MTUS2: variants seen among roughly 807,000 people sequenced by gnomAD.
The protein encoded by MTUS2 is microtubule associated scaffold protein 2.
MTUS2 carries 40 observed loss-of-function variants against 114.1 expected under a neutral mutation model. That is an observed-to-expected ratio of 0.35 (90% CI 0.27 to 0.46). The LOEUF (loss-of-function observed/expected upper bound fraction) is 0.46, where lower values mean the gene tolerates loss of function less well. MTUS2 is among the 20% of genes least tolerant of loss of function. The pLI is 1.00. For missense variants in MTUS2, 1,679 were observed against 1,705.4 expected (o/e 0.98, Z 0.27); for synonymous variants, 688 against 672.0 (o/e 1.02, Z -0.37).
At chr13:29,348,260 G>A (rs190837328) in intron 7 of MTUS2, among the ~76,000 whole-genome samples, 8 of 151,990 alleles carry the variant, frequency 5.3e-5, no homozygotes, top group African/African-American at 1.9e-4. Context: ...CTGTTACCCA[G>A]GAAATTCCAA....
At position 28,988,561 on chromosome 13, in the gene MTUS2, A is replaced by G. The variant is rs573924778; in HGVS notation, c.-242-35896A>G. 1.1e-4 allele frequency among the ~76,000 whole-genome samples: 17 copies of G among 152,350 alleles called. 1 individual carries two copies. Among genetic ancestry groups the G allele is most frequent in the African/African-American group, 4.1e-4 (17 of 41,588 alleles). ...TAGAGAAATGGATTTGTGAGCAAACAAATCAGGAAAAACAATGAAATCTAA... is the reference window on the plus strand; with the variant it reads ...TAGAGAAATGGATTTGTGAGCAAACGAATCAGGAAAAACAATGAAATCTAA... On this transcript the variant is annotated intron_variant, in intron 2 of 15. Coordinates refer to ENST00000612955, the MANE Select transcript of MTUS2 (RefSeq NM_001033602.4).
intron 5 of MTUS2, among the ~76,000 whole-genome samples, chr13:29,243,646 G>A (rs1896808018): frequency 6.6e-6 from 1 of 152,138 alleles, no homozygotes; most frequent in African/African-American, 2.4e-5. Context: ...TACACACTTG[G>A]GGTAGGGAGC....
intron 5 of MTUS2, among the ~76,000 whole-genome samples, chr13:29,212,646 T>G (rs531793589): frequency 2.6e-5 from 4 of 152,242 alleles, no homozygotes; most frequent in Non-Finnish European, 5.9e-5. Flanking sequence ...AACATCTTAC[T>G]TACATTTACC....
At chr13:28,928,987 A>T (rs1881472982) in intron 2 of MTUS2, among the ~76,000 whole-genome samples, 1 of 152,262 alleles carries the variant, frequency 6.6e-6, no homozygotes, top group Admixed American at 6.5e-5. Flanking sequence ...TTATTGAGTT[A>T]CAGAAACAAA....
intron 2 of MTUS2, among the ~76,000 whole-genome samples, chr13:29,023,920 G>A (rs1166202560): frequency 1.3e-5 from 2 of 152,180 alleles, no homozygotes; most frequent in African/African-American, 2.4e-5. Flanking sequence ...CGTGGTTAAT[G>A]TGGTGTCTAC....
At position 29,145,637 on chromosome 13, in the gene MTUS2, A is replaced by G. The variant is rs1036509530; in HGVS notation, c.2644+44667A>G. On this transcript the variant is annotated intron_variant, in intron 5 of 15. Transcript: ENST00000612955. Reference sequence around the variant, plus strand: ...GTTGAAGACATGTGTGAGGTAGTCCAATTGAAAAATTGGACTTAGAGTGTT... The same window carrying G: ...GTTGAAGACATGTGTGAGGTAGTCCGATTGAAAAATTGGACTTAGAGTGTT... Among the ~76,000 whole-genome samples the G allele has an allele frequency of 2.6e-5, 4 of 152,180 alleles. No homozygotes were observed. The South Asian group carries it at 8.3e-4, about 32-fold the overall frequency.
chr13:28,934,130 A>C (rs1291130757), intron 2 of MTUS2, among the ~76,000 whole-genome samples: 2 of 152,272 alleles, frequency 1.3e-5, no homozygotes, highest in Non-Finnish European at 2.9e-5. Context: ...GGCTCTTGCC[A>C]GAAAATAAAG....
At position 29,025,103 on chromosome 13, in the gene MTUS2, G is replaced by T. The variant is rs1217154729; in HGVS notation, c.405G>T (p.Trp135Cys). The change falls in exon 3 of 16, where the codon TGG (tryptophan) becomes TGT (cysteine). Residue 135 changes from tryptophan to cysteine, a missense_variant. Trp to Cys is a radical substitution (Grantham distance 215). This residue lies in a region of MTUS2 where 843 missense variants were observed against 770.8 expected (regional missense o/e 1.09). Transcript: ENST00000612955. Reference sequence around the variant, plus strand: ...TTCAGGGACCAAGTCTGTCGAGTTGGAGGAATGTGATGAGTGAGGCCAGTC... The same window carrying T: ...TTCAGGGACCAAGTCTGTCGAGTTGTAGGAATGTGATGAGTGAGGCCAGTC... ...RSIQGPSLSSWRNVMSEASLD... is the reference protein window; with the variant it reads ...RSIQGPSLSSCRNVMSEASLD... 3 of 1,613,932 alleles carry T rather than the reference G, an allele frequency of 1.9e-6. No homozygotes were observed. The highest frequency in any genetic ancestry group is 2.5e-6 in the Non-Finnish European group (3 of 1,179,878).
intron 4 of MTUS2, among the ~76,000 whole-genome samples, chr13:29,064,549 A>G (rs1410874877): frequency 6.6e-6 from 1 of 152,180 alleles, no homozygotes; most frequent in African/African-American, 2.4e-5. Flanking sequence ...TAGTGTAAGC[A>G]CAAGATAATA....
intron 8 of MTUS2, among the ~76,000 whole-genome samples, chr13:29,370,136 G>A (rs1279042036): frequency 6.6e-6 from 1 of 152,134 alleles, no homozygotes. Flanking sequence ...GATCGCTTGA[G>A]CCCAGGAGTT....
At chr13:28,917,396 C>A (rs1880803596) in intron 2 of MTUS2, among the ~76,000 whole-genome samples, 2 of 151,756 alleles carry the variant, frequency 1.3e-5, no homozygotes, top group African/African-American at 4.8e-5. Context: ...GGGTCCTGAA[C>A]TTTTCTTTAC....
intron 9 of MTUS2, among the ~76,000 whole-genome samples, chr13:29,454,917 A>T (rs1344952438): frequency 6.6e-6 from 1 of 152,188 alleles, no homozygotes; most frequent in African/African-American, 2.4e-5. Context: ...CTGTTACTGG[A>T]TGTGATAACC....
At chr13:28,881,131 G>T (rs1196478007) in intron 2 of MTUS2, among the ~76,000 whole-genome samples, 3 of 152,108 alleles carry the variant, frequency 2.0e-5, no homozygotes, top group African/African-American at 7.2e-5. Context: ...CACTGCCCCT[G>T]CCTCAACTTG....
intron 2 of MTUS2, among the ~76,000 whole-genome samples, chr13:28,959,426 T>C (rs1593334456): frequency 6.6e-6 from 1 of 152,042 alleles, no homozygotes; most frequent in Admixed American, 6.5e-5. Flanking sequence ...GTGGAAGCCA[T>C]ATGGGGAGCC....
intron 8 of MTUS2, among the ~76,000 whole-genome samples, chr13:29,425,074 A>G (rs1033830774): frequency 6.6e-6 from 1 of 152,240 alleles, no homozygotes; most frequent in African/African-American, 2.4e-5. Context: ...TTAGCAATGC[A>G]TACTACAGCA....
intron 8 of MTUS2, among the ~76,000 whole-genome samples, chr13:29,389,491 GTGTATA>G (rs1566173278): frequency 8.9e-5 from 10 of 112,982 alleles, no homozygotes; most frequent in African/African-American, 3.1e-4. Flanking sequence ...GTGTGTGTAT[GTGTATA>G]TATGTATACA....
chr13:29,418,398 C>G (rs538439198), intron 8 of MTUS2, among the ~76,000 whole-genome samples: 3 of 152,250 alleles, frequency 2.0e-5, no homozygotes, highest in East Asian at 1.9e-4. Context: ...GGCCATGACT[C>G]TCTGTCTTTA....
At chr13:29,453,717 C>T (rs372352152) in intron 9 of MTUS2, among the ~76,000 whole-genome samples, 19 of 152,254 alleles carry the variant, frequency 1.2e-4, no homozygotes, top group African/African-American at 4.3e-4. Context: ...TACTGGGAAA[C>T]AGGAAAAACA....
At chr13:29,233,113 C>G (rs1896398546) in intron 5 of MTUS2, among the ~76,000 whole-genome samples, 1 of 151,980 alleles carries the variant, frequency 6.6e-6, no homozygotes, top group Admixed American at 6.5e-5. Flanking sequence ...TTACTGTTGC[C>G]TTTTTGAAAA....
Sources: gnomAD v4.1 joint callset for allele counts (sites outside exome capture counted in the v4.1 genomes callset) on GRCh38, gnomAD v4.1.1 for gene constraint, gnomAD v4.1.1 regional missense constraint, MANE v1.5 for transcripts, NCBI Gene and HGNC (gene_info 2026-07-23, HGNC 2026-07-21) for gene names.